The following MAD1L1 variants were observed in gnomAD, a reference collection of about 807,000 sequenced individuals.
MAD1L1 encodes the protein mitotic arrest deficient 1 like 1.
In MAD1L1, 95 loss-of-function variants were observed where a neutral mutation model predicts 96.9. The ratio of observed to expected loss-of-function variants is 0.98; its 90% CI spans 0.83 to 1.16. MAD1L1 has a LOEUF of 1.16. Ranked by LOEUF, MAD1L1 falls within the 50% of genes most tolerant of loss-of-function variation. The probability of loss-of-function intolerance (pLI) is 0.00; values close to 1 mark genes in which losing one functional copy is unlikely to be tolerated. For synonymous variants in MAD1L1, 473 were observed against 396.6 expected, an observed-to-expected ratio of 1.19 and a Z score of -2.29; for missense variants, 1,007 against 954.4, an observed-to-expected ratio of 1.06 and a Z score of -0.73.
At chr7:2,071,088 T>C (rs1199749061) in intron 11 of MAD1L1, among the ~76,000 whole-genome samples, 2 of 151,186 alleles carry the variant, frequency 1.3e-5, no homozygotes, top group African/African-American at 4.8e-5. Context: ...GGTGCTTTCT[T>C]GGGCGGTGGT....
chr7:2,117,567 G>A (rs980221661), intron 11 of MAD1L1, among the ~76,000 whole-genome samples: 14 of 152,170 alleles, frequency 9.2e-5, no homozygotes, highest in East Asian at 1.9e-4. Context: ...GTGAGCTCTC[G>A]AGAGAGGTGA....
At chr7:2,185,083 G>A (rs934854163) in intron 10 of MAD1L1, among the ~76,000 whole-genome samples, 1 of 152,174 alleles carries the variant, frequency 6.6e-6, no homozygotes, top group African/African-American at 2.4e-5. Context: ...AAAGCACTCT[G>A]TTGTCCAAAA....
At chr7:2,167,840 G>C (rs760042705) in intron 10 of MAD1L1, among the ~76,000 whole-genome samples, 5 of 151,476 alleles carry the variant, frequency 3.3e-5, no homozygotes, top group African/African-American at 4.9e-5. Context: ...TTTGATACCA[G>C]CCAGGGCAAC....
At chr7:1,909,500 G>A (rs1156330992) in intron 17 of MAD1L1, among the ~76,000 whole-genome samples, 1 of 152,232 alleles carries the variant, frequency 6.6e-6, no homozygotes, top group Non-Finnish European at 1.5e-5. Context: ...ATTTGTATCC[G>A]GGTCCTGGCT....
intron 17 of MAD1L1, among the ~76,000 whole-genome samples, chr7:1,923,655 G>A (rs1464612451): frequency 6.6e-6 from 1 of 152,284 alleles, no homozygotes; most frequent in Non-Finnish European, 1.5e-5. Flanking sequence ...CCGTGAAGGC[G>A]GCTGTGGCCG....
chr7:1,990,802 T>C (rs1464919963), intron 14 of MAD1L1, among the ~76,000 whole-genome samples: 2 of 54,120 alleles, frequency 3.7e-5, no homozygotes, highest in Admixed American at 1.8e-4. Context: ...CCTGAGCACC[T>C]GCCCCACCAG....
intron 18 of MAD1L1, among the ~76,000 whole-genome samples, chr7:1,823,716 C>T (rs999988122): frequency 8.5e-5 from 13 of 152,194 alleles, no homozygotes; most frequent in Admixed American, 6.5e-4. Context: ...GAGGGCAGAG[C>T]GCCCAGGCAT....
chr7:2,187,218 G>A (rs374982193), intron 10 of MAD1L1, among the ~76,000 whole-genome samples: 42 of 152,068 alleles, frequency 2.8e-4, no homozygotes, highest in African/African-American at 9.2e-4. Flanking sequence ...GCATGGTGGC[G>A]TACACCTGTG....
chr7:2,027,654 A>C (rs556516415), intron 12 of MAD1L1, among the ~76,000 whole-genome samples: 53 of 152,372 alleles, frequency 3.5e-4, no homozygotes, highest in Admixed American at 2.1e-3. Context: ...ACATCTATTC[A>C]CGATAAAAAC....
intron 18 of MAD1L1, among the ~76,000 whole-genome samples, chr7:1,870,493 A>C (rs1785004653): frequency 7.6e-6 from 1 of 131,814 alleles, no homozygotes; most frequent in Non-Finnish European, 1.6e-5. Context: ...CGCTGAACCC[A>C]ACATACACCT....
At chr7:1,914,008 C>T (rs1039293893) in intron 17 of MAD1L1, among the ~76,000 whole-genome samples, 12 of 131,990 alleles carry the variant, frequency 9.1e-5, no homozygotes, top group East Asian at 2.4e-4. Flanking sequence ...CCCAGGGCAG[C>T]GTGGGCAGGT....
intron 17 of MAD1L1, among the ~76,000 whole-genome samples, chr7:1,930,927 GTC>G (rs1789436355): frequency 6.6e-6 from 1 of 152,306 alleles, no homozygotes; most frequent in Non-Finnish European, 1.5e-5. Flanking sequence ...AGGAGCATCC[GTC>G]TCTGTCTCAG....
intron 14 of MAD1L1, among the ~76,000 whole-genome samples, chr7:1,984,290 TG>T (rs1197363048): frequency 3.3e-5 from 5 of 152,350 alleles, no homozygotes; most frequent in African/African-American, 1.2e-4. Context: ...CACAAGAAGT[TG>T]TATTAGTTCT....
intron 10 of MAD1L1, chr7:2,200,388 G>C (rs1024191206): frequency 1.3e-5 from 2 of 151,924 alleles, no homozygotes; most frequent in Non-Finnish European, 1.5e-5. Context: ...CTGCACACAG[G>C]GGGTCTAAGG....
chr7:2,196,442 G>A (rs951914370), intron 10 of MAD1L1, among the ~76,000 whole-genome samples: 13 of 152,200 alleles, frequency 8.5e-5, no homozygotes, highest in African/African-American at 2.7e-4. Flanking sequence ...AGATACTCCC[G>A]CAAAACGCTC....
intron 17 of MAD1L1, among the ~76,000 whole-genome samples, chr7:1,926,336 T>C (rs1284316016): frequency 6.6e-6 from 1 of 152,166 alleles, no homozygotes; most frequent in Non-Finnish European, 1.5e-5. Flanking sequence ...TAACACCAAT[T>C]CTATATAATC....
intron 18 of MAD1L1, among the ~76,000 whole-genome samples, chr7:1,860,498 G>T (rs1403732465): frequency 6.6e-6 from 1 of 152,154 alleles, no homozygotes; most frequent in African/African-American, 2.4e-5. Flanking sequence ...ATCCTGCAGG[G>T]CAGCCTCTGT....
At chr7:1,891,402 T>C (rs367586279) in intron 18 of MAD1L1, among the ~76,000 whole-genome samples, 149 of 152,186 alleles carry the variant, frequency 9.8e-4, no homozygotes, top group Non-Finnish European at 1.5e-3. Flanking sequence ...GGCGCACCCC[T>C]GTAATGCCAG....
intron 15 of MAD1L1, among the ~76,000 whole-genome samples, chr7:1,974,762 C>T (rs1027706642): frequency 1.2e-4 from 18 of 152,356 alleles, no homozygotes; most frequent in African/African-American, 3.6e-4. Context: ...AGCGGAAGGG[C>T]GTGAGACGCC....
Sources: allele counts gnomAD v4.1 joint callset (sites outside exome capture counted in the v4.1 genomes callset), GRCh38; gene constraint gnomAD v4.1.1; transcripts MANE v1.5; gene names NCBI Gene and HGNC (gene_info 2026-07-23, HGNC 2026-07-21).